Variants in AFAP1L2 observed in about 807,000 individuals in gnomAD.
AFAP1L2 encodes actin filament-associated protein 1-like 2.
Under a neutral mutation model 99.3 loss-of-function variants are expected in AFAP1L2, and 46 were observed. That is an observed-to-expected ratio of 0.46 (90% CI 0.37 to 0.59). The LOEUF (loss-of-function observed/expected upper bound fraction) is 0.59, where lower values mean the gene tolerates loss of function less well. Ranked by LOEUF, AFAP1L2 falls within the 20% of genes least tolerant of loss-of-function variation. The probability of loss-of-function intolerance (pLI) is 0.00; values close to 1 mark genes in which losing one functional copy is unlikely to be tolerated. For synonymous variants in AFAP1L2, 397 were observed against 419.1 expected (o/e 0.95, Z 0.64); for missense variants, 959 against 1,034.9 (o/e 0.93, Z 1.01).
At chr10:114,358,837 C>T (rs925000969) in intron 1 of AFAP1L2, among the ~76,000 whole-genome samples, 16 of 152,182 alleles carry the variant, frequency 1.1e-4, no homozygotes, top group Non-Finnish European at 2.4e-4. Flanking sequence ...ATCGCTTGAA[C>T]CCGGGAGGTG....
chr10:114,282,017 C>CTTTTTTCTTTTTT, the AFAP1L2 span, among the ~76,000 whole-genome samples: 1 of 119,704 alleles, frequency 8.4e-6, no homozygotes, highest in South Asian at 2.7e-4. Context: ...CTTATGTTAC[C>CTTTTTTCTTTTTT]TTTTTTTTTT....
intron 11 of AFAP1L2, among the ~76,000 whole-genome samples, chr10:114,303,779 C>T (rs2041645121): frequency 6.6e-6 from 1 of 152,206 alleles, no homozygotes; most frequent in Non-Finnish European, 1.5e-5. Context: ...CCGATCTGAG[C>T]TTGCCGCCCT....
At chr10:114,388,845 C>T (rs773812273) in intron 1 of AFAP1L2, among the ~76,000 whole-genome samples, 3 of 152,096 alleles carry the variant, frequency 2.0e-5, no homozygotes, top group Non-Finnish European at 4.4e-5. Flanking sequence ...ATCAATATCC[C>T]AAGGGACCCA....
chr10:114,323,964 C>T (rs1415115864), intron 4 of AFAP1L2, among the ~76,000 whole-genome samples: 4 of 152,100 alleles, frequency 2.6e-5, no homozygotes, highest in East Asian at 1.9e-4. Context: ...GTGATCTTTG[C>T]GCCGAGCCTC....
rs74157583 is a variant in AFAP1L2, at chr10:114,302,314, C to T, written c.1430+25G>A. 13,069 of 1,613,774 alleles carry T rather than the reference C, an allele frequency of 8.1e-3. 869 individuals carry two copies. The African/African-American group carries it at 0.15, about 19-fold the overall frequency. ...GCATGGCCAGGAATAAGAGAGTGTA[C>T]GGAGGAAGGGTCCAAATTACTCACA... On this transcript the variant is annotated intron_variant, in intron 12 of 18. Transcript: ENST00000304129.
chr10:114,389,773 G>T (rs1373333222), intron 1 of AFAP1L2, among the ~76,000 whole-genome samples: 1 of 152,230 alleles, frequency 6.6e-6, no homozygotes, highest in African/African-American at 2.4e-5. Flanking sequence ...GGGATAGTCT[G>T]TTATCACAGC....
chr10:114,341,611 C>CA (rs5788058), intron 1 of AFAP1L2, among the ~76,000 whole-genome samples: 92,005 of 135,560 alleles, frequency 0.68, 34,847 homozygotes, highest in East Asian at 0.9. Flanking sequence ...GACTCCATCT[C>CA]AAAAAAAAAA....
In AFAP1L2 at chr10:114,305,625, G is replaced by A. The variant is rs1488001090; in HGVS notation, c.1073-695C>T. Among the ~76,000 whole-genome samples the A allele has an allele frequency of 1.2e-4, 16 of 128,362 alleles. 1 individual carries two copies. The highest frequency in any genetic ancestry group is 3.0e-4 in the African/African-American group (10 of 33,530). 84.2% of individuals were successfully genotyped at this position (128,362 alleles called of 152,430 possible). ...CAGAAGGAGATGCAGATGCAGGAGG[G>A]GATGCAGATGCAGGAGGAGATGCAG... On this transcript the variant is annotated intron_variant, in intron 10 of 18. Coordinates refer to ENST00000304129, the MANE Select transcript of AFAP1L2 (RefSeq NM_001001936.3).
intron 1 of AFAP1L2, among the ~76,000 whole-genome samples, chr10:114,386,765 G>A (rs1032506508): frequency 2.6e-5 from 4 of 152,206 alleles, no homozygotes; most frequent in Admixed American, 6.5e-5. Context: ...ACCCAGCAAC[G>A]GCACATCCCC....
chr10:114,386,689 T>C (rs1441049107), intron 1 of AFAP1L2, among the ~76,000 whole-genome samples: 4 of 152,152 alleles, frequency 2.6e-5, no homozygotes, highest in African/African-American at 9.7e-5. Flanking sequence ...AGGGGTTCCT[T>C]AGGCCCAGCA....
chr10:114,384,690 G>A (rs554960154), intron 1 of AFAP1L2, among the ~76,000 whole-genome samples: 14 of 152,326 alleles, frequency 9.2e-5, no homozygotes, highest in East Asian at 3.9e-4. Context: ...CAGCAGCACC[G>A]GTTAAACACC....
At chr10:114,320,159 G>A (rs1023594461) in intron 5 of AFAP1L2, among the ~76,000 whole-genome samples, 7 of 152,144 alleles carry the variant, frequency 4.6e-5, no homozygotes, top group African/African-American at 1.7e-4. Context: ...AGTACCCCAG[G>A]GTGAGACACC....
chr10:114,303,583 A>G (rs2041608273), intron 11 of AFAP1L2, among the ~76,000 whole-genome samples: 2 of 152,232 alleles, frequency 1.3e-5, no homozygotes, highest in Non-Finnish European at 2.9e-5. Context: ...CTGGGGTTAC[A>G]GGCGTGGGCC....
the AFAP1L2 span, among the ~76,000 whole-genome samples, chr10:114,288,012 A>G: frequency 6.6e-6 from 1 of 152,146 alleles, no homozygotes; most frequent in Admixed American, 6.5e-5. Flanking sequence ...AAAACCAGTA[A>G]TCAGAGCATC....
intron 1 of AFAP1L2, among the ~76,000 whole-genome samples, chr10:114,401,717 C>T (rs554166993): frequency 6.6e-6 from 1 of 152,274 alleles, no homozygotes; most frequent in South Asian, 2.1e-4. Flanking sequence ...AGTGTCTCTG[C>T]AACAGGCATG....
downstream of AFAP1L2, among the ~76,000 whole-genome samples, chr10:114,292,184 G>A (rs2039664852): frequency 6.6e-6 from 1 of 152,040 alleles, no homozygotes; most frequent in Non-Finnish European, 1.5e-5. Flanking sequence ...GGCTGAGACA[G>A]GAGAATGGCT....
At chr10:114,283,351 T>G in the AFAP1L2 span, among the ~76,000 whole-genome samples, 1 of 145,632 alleles carries the variant, frequency 6.9e-6, no homozygotes, top group Non-Finnish European at 1.5e-5. Context: ...ACAGGCAGGG[T>G]AGCGAGCAGT....
chr10:114,325,326 G>C (rs902672034), intron 4 of AFAP1L2, among the ~76,000 whole-genome samples: 1 of 152,188 alleles, frequency 6.6e-6, no homozygotes, highest in African/African-American at 2.4e-5. Context: ...TGCAGGTTGC[G>C]CAGTGAGGGC....
the AFAP1L2 span, among the ~76,000 whole-genome samples, chr10:114,285,544 T>C: frequency 6.6e-6 from 1 of 152,236 alleles, no homozygotes; most frequent in Admixed American, 6.5e-5. Context: ...CTCACAACCC[T>C]ACCAGAAGTC....
Sources: allele counts gnomAD v4.1 joint callset (sites outside exome capture counted in the v4.1 genomes callset), GRCh38; gene constraint gnomAD v4.1.1; transcripts MANE v1.5; gene names NCBI Gene and HGNC (gene_info 2026-07-23, HGNC 2026-07-21).